The following EYS variants were observed in gnomAD, a reference collection of about 807,000 sequenced individuals.
The protein encoded by EYS is EGF-like photoreceptor maintenance factor, also known as protein eyes shut homolog.
EYS carries 250 observed loss-of-function variants against 282.1 expected under a neutral mutation model. That is an observed-to-expected ratio of 0.89 (90% CI 0.80 to 0.98). The LOEUF (loss-of-function observed/expected upper bound fraction) is 0.98, where lower values mean the gene tolerates loss of function less well. Ranked by LOEUF, EYS falls within the 50% of genes least tolerant of loss-of-function variation. The probability of loss-of-function intolerance (pLI) is 0.00; values close to 1 mark genes in which losing one functional copy is unlikely to be tolerated. For synonymous variants in EYS, 1,355 were observed against 1,282.9 expected (o/e 1.06, Z -1.20); for missense variants, 4,016 against 3,709.0 (o/e 1.08, Z -2.15).
chr6:63,917,862 C>T (rs1303185757), intron 35 of EYS, among the ~76,000 whole-genome samples: 1 of 152,184 alleles, frequency 6.6e-6, no homozygotes, highest in Non-Finnish European at 1.5e-5. Flanking sequence ...GATTCTTCAG[C>T]TCTCCTTTCC....
intron 13 of EYS, among the ~76,000 whole-genome samples, chr6:65,016,139 A>C (rs1772041069): frequency 6.6e-6 from 1 of 151,466 alleles, no homozygotes. Context: ...CGAGGTGGAC[A>C]AATCACCCGA....
chr6:64,901,565 T>A (rs1210537622), intron 18 of EYS, among the ~76,000 whole-genome samples: 1 of 151,988 alleles, frequency 6.6e-6, no homozygotes, highest in African/African-American at 2.4e-5. Context: ...AATGTGACCA[T>A]GTTTACCCAA....
In EYS at chr6:63,739,725, GCT is replaced by G. The variant is rs746058998; in HGVS notation, c.8072-13047_8072-13046del. Among the ~76,000 whole-genome samples, 147 of 152,134 alleles carry G rather than the reference GCT, an allele frequency of 9.7e-4. 2 individuals are homozygous for G. The Middle Eastern group carries it at 0.027, about 28-fold the overall frequency. ...CCCCCCACCCCCAAGACAGAGTCTT[GCT>G]CTGTCTCCTAGGCTGGAATGCAGTG... On this transcript the variant is annotated intron_variant, in intron 41 of 42. Coordinates refer to ENST00000503581, the MANE Select transcript of EYS (RefSeq NM_001142800.2).
At chr6:65,130,752 A>T (rs2150202299) in intron 12 of EYS, among the ~76,000 whole-genome samples, 1 of 151,534 alleles carries the variant, frequency 6.6e-6, no homozygotes, top group African/African-American at 2.4e-5. Context: ...CCCCTATGAC[A>T]CAAGCTTACC....
At chr6:65,303,065 C>CT (rs1263354720) in intron 11 of EYS, 1 of 933,710 alleles carries the variant, frequency 1.1e-6, no homozygotes, top group African/African-American at 1.7e-5. Context: ...AACACCTACC[C>CT]TGCAACCAAC....
intron 35 of EYS, among the ~76,000 whole-genome samples, chr6:63,913,074 C>A (rs1764314934): frequency 6.6e-6 from 1 of 152,096 alleles, no homozygotes; most frequent in Non-Finnish European, 1.5e-5. Context: ...TGTAAATGAA[C>A]TTTGACAACT....
At chr6:63,846,120 C>T (rs1772091194) in intron 36 of EYS, among the ~76,000 whole-genome samples, 1 of 152,140 alleles carries the variant, frequency 6.6e-6, no homozygotes, top group Admixed American at 6.6e-5. Context: ...ACTTCCTAAA[C>T]ATTGTATTTT....
At chr6:64,583,559 G>A (rs1189111265) in intron 26 of EYS, among the ~76,000 whole-genome samples, 1 of 152,142 alleles carries the variant, frequency 6.6e-6, no homozygotes, top group Admixed American at 6.5e-5. Flanking sequence ...ACTTTGGGAG[G>A]CCAAGGTGGG....
intron 29 of EYS, among the ~76,000 whole-genome samples, chr6:64,369,085 T>C (rs1175915893): frequency 6.6e-6 from 1 of 152,170 alleles, no homozygotes; most frequent in Non-Finnish European, 1.5e-5. Flanking sequence ...TTGTATATGG[T>C]ATAAGGAAAG....
chr6:64,618,293 T>G (rs1216874595), intron 23 of EYS, among the ~76,000 whole-genome samples: 1 of 152,164 alleles, frequency 6.6e-6, no homozygotes, highest in Non-Finnish European at 1.5e-5. Flanking sequence ...TTGAAACCAT[T>G]GATTCTTTCC....
At chr6:63,749,182 A>G (rs1294221645) in intron 41 of EYS, among the ~76,000 whole-genome samples, 1 of 152,090 alleles carries the variant, frequency 6.6e-6, no homozygotes, top group Non-Finnish European at 1.5e-5. Context: ...GGTGTGTTGT[A>G]TCTTTGTTCT....
At chr6:65,056,657 A>C (rs2150157171) in intron 13 of EYS, among the ~76,000 whole-genome samples, 1 of 152,202 alleles carries the variant, frequency 6.6e-6, no homozygotes, top group Non-Finnish European at 1.5e-5. Flanking sequence ...GTATCTTTAA[A>C]GATGTATGAT....
At chr6:64,091,887 CTA>C (rs760882267) in intron 31 of EYS, among the ~76,000 whole-genome samples, 2 of 152,126 alleles carry the variant, frequency 1.3e-5, no homozygotes, top group Non-Finnish European at 2.9e-5. Context: ...TCTCCTAATG[CTA>C]TCTCTCCCCA....
At chr6:65,515,065 A>G (rs915821206) in intron 2 of EYS, among the ~76,000 whole-genome samples, 1 of 152,250 alleles carries the variant, frequency 6.6e-6, no homozygotes, top group African/African-American at 2.4e-5. Flanking sequence ...AATATCCAGA[A>G]TCTACAACGA....
chr6:65,109,621 C>G (rs962468909), intron 12 of EYS, among the ~76,000 whole-genome samples: 2 of 151,268 alleles, frequency 1.3e-5, no homozygotes, highest in East Asian at 3.9e-4. Flanking sequence ...TTTAACAAAT[C>G]CTGGTTTCCT....
At chr6:65,002,873 G>T (rs886963080) in intron 13 of EYS, among the ~76,000 whole-genome samples, 1 of 145,922 alleles carries the variant, frequency 6.9e-6, no homozygotes, top group Non-Finnish European at 1.5e-5. Context: ...AAGATTTCAT[G>T]GACAATTATC....
chr6:65,285,983 C>T (rs957905837), intron 12 of EYS, among the ~76,000 whole-genome samples: 1 of 151,770 alleles, frequency 6.6e-6, no homozygotes, highest in Non-Finnish European at 1.5e-5. Flanking sequence ...TAGGTTAACA[C>T]CAAAATTTTT....
chr6:64,178,945 C>T (rs904771010), intron 31 of EYS, among the ~76,000 whole-genome samples: 1 of 151,680 alleles, frequency 6.6e-6, no homozygotes, highest in African/African-American at 2.4e-5. Context: ...TTTCTGCTTG[C>T]CTTGTAATTT....
intron 19 of EYS, among the ~76,000 whole-genome samples, chr6:64,855,249 G>A (rs1056195616): frequency 1.8e-4 from 28 of 151,742 alleles, no homozygotes; most frequent in Non-Finnish European, 2.9e-4. Context: ...GTTTTTTACC[G>A]TTTTTGTAGA....
Sources: allele counts gnomAD v4.1 joint callset (sites outside exome capture counted in the v4.1 genomes callset), GRCh38; gene constraint gnomAD v4.1.1; transcripts MANE v1.5; gene names NCBI Gene and HGNC (gene_info 2026-07-23, HGNC 2026-07-21).